CHL1: variants seen among roughly 807,000 people sequenced by gnomAD.
CHL1 encodes the protein neural cell adhesion molecule L1-like protein.
In CHL1, 96 loss-of-function variants were observed where a neutral mutation model predicts 141.9. That is an observed-to-expected ratio of 0.68 (90% CI 0.57 to 0.80). The LOEUF (loss-of-function observed/expected upper bound fraction) is 0.80. Ranked by LOEUF, CHL1 falls within the 30% of genes least tolerant of loss-of-function variation. CHL1 has a pLI of 0.00. For synonymous variants in CHL1, 613 were observed against 502.2 expected, an observed-to-expected ratio of 1.22 and a Z score of -2.95; for missense variants, 1,820 against 1,457.2, an observed-to-expected ratio of 1.25 and a Z score of -4.05.
chr3:224,674 G>C (rs1387177934), intron 1 of CHL1, among the ~76,000 whole-genome samples: 1 of 152,176 alleles, frequency 6.6e-6, no homozygotes, highest in African/African-American at 2.4e-5. Flanking sequence ...GAAGAAGCAT[G>C]AGCCAGTGAA....
intron 15 of CHL1, among the ~76,000 whole-genome samples, chr3:367,477 C>G (rs6763169): frequency 0.055 from 8,366 of 152,140 alleles, 792 homozygotes; most frequent in African/African-American, 0.19. Context: ...AATCCCATAA[C>G]ATAGTTTGAA....
At chr3:278,924 A>T (rs988880284) in intron 2 of CHL1, among the ~76,000 whole-genome samples, 5 of 152,192 alleles carry the variant, frequency 3.3e-5, no homozygotes, top group African/African-American at 1.2e-4. Context: ...TGAGTTTCAG[A>T]TGTGAGTTTG....
In CHL1 at chr3:287,165, T is replaced by C. The variant is rs561743079; in HGVS notation, c.-94-32518T>C. On this transcript the variant is annotated intron_variant, in intron 2 of 27. Coordinates refer to ENST00000256509, the MANE Select transcript of CHL1 (RefSeq NM_006614.4). ...ACGCCTCTGACATTTTCATTTATAC[T>C]TTTCACATATGTATCAACATATAAT... is the stretch of plus-strand genomic sequence containing the variant. Among the ~76,000 whole-genome samples the C allele has an allele frequency of 5.3e-4, 81 of 152,074 alleles. 1 individual carries two copies. The highest frequency in any genetic ancestry group is 1.0e-3 in the Non-Finnish European group (71 of 68,012).
intron 1 of CHL1, among the ~76,000 whole-genome samples, chr3:233,362 C>T (rs910823571): frequency 3.3e-5 from 5 of 152,104 alleles, no homozygotes; most frequent in African/African-American, 1.2e-4. Flanking sequence ...TTTTCTATAC[C>T]AGCCCCCAAC....
At chr3:203,262 G>C (rs1699115403) in intron 1 of CHL1, among the ~76,000 whole-genome samples, 1 of 152,188 alleles carries the variant, frequency 6.6e-6, no homozygotes, top group African/African-American at 2.4e-5. Flanking sequence ...GAATGTTTAA[G>C]ACAAATTTCA....
chr3:360,477 C>A, intron 12 of CHL1, 53 bp downstream of exon 12: 3 of 1,581,846 alleles, frequency 1.9e-6, no homozygotes, highest in South Asian at 1.1e-5. Context: ...GGAAAGTGGT[C>A]AAGGTCATGT....
intron 2 of CHL1, among the ~76,000 whole-genome samples, chr3:270,672 G>A (rs1212919571): frequency 6.6e-6 from 1 of 152,198 alleles, no homozygotes; most frequent in Non-Finnish European, 1.5e-5. Context: ...ACGATATTGT[G>A]GATTAAGAAT....
intron 26 of CHL1, 61 bp from the exon 27 acceptor site, chr3:401,565 T>A: frequency 1.0e-6 from 1 of 957,836 alleles, no homozygotes; most frequent in Non-Finnish European, 1.6e-6. Flanking sequence ...TCCACAGCAC[T>A]GGTAAAATGT....
chr3:400,758 CGCCTCTGCACTCCA>C (rs1318369595), intron 26 of CHL1, among the ~76,000 whole-genome samples: 4 of 151,786 alleles, frequency 2.6e-5, no homozygotes, highest in Admixed American at 2.6e-4. Context: ...GCCGAGATCA[CGCCTCTGCACTCCA>C]GCCTGGGCGA....
rs1010857930 is a variant in CHL1, at chr3:405,972, C to T, written c.*261C>T. Reference sequence around the variant, plus strand: ...AAAACAAATCCTGCATTTAGATACACCTCAACTAAATCCAAAGTCCCCATT... The same window carrying T: ...AAAACAAATCCTGCATTTAGATACATCTCAACTAAATCCAAAGTCCCCATT... On this transcript the variant is annotated 3_prime_UTR_variant, in exon 28 of 28. Transcript: ENST00000256509. 2.9e-5 allele frequency: 11 copies of T among 379,314 alleles called. No individual in the cohort carries two copies. Among genetic ancestry groups the T allele is most frequent in the East Asian group, 1.6e-4 (3 of 18,324 alleles). 23.5% of individuals were successfully genotyped at this position (379,314 alleles called of 1,614,324 possible). A position where few individuals can be genotyped will look rare whatever the true frequency, so the allele number is the denominator to read the frequency against.
intron 2 of CHL1, among the ~76,000 whole-genome samples, chr3:245,282 T>G (rs1693056930): frequency 6.6e-6 from 1 of 152,166 alleles, no homozygotes. Flanking sequence ...AAGTTCACAT[T>G]GGAAGGAGGG....
At chr3:305,534 G>A (rs909977429) in intron 2 of CHL1, among the ~76,000 whole-genome samples, 2 of 151,774 alleles carry the variant, frequency 1.3e-5, no homozygotes, top group Non-Finnish European at 2.9e-5. Context: ...ACTGAATTTC[G>A]AGTGCCTAGT....
intron 2 of CHL1, among the ~76,000 whole-genome samples, chr3:313,468 A>C (rs1318430926): frequency 1.3e-5 from 2 of 152,176 alleles, no homozygotes; most frequent in Non-Finnish European, 2.9e-5. Context: ...TATTTGCAAA[A>C]GGGAAAATCG....
intron 27 of CHL1, among the ~76,000 whole-genome samples, chr3:403,842 C>A (rs144007500): frequency 1.3e-5 from 2 of 152,274 alleles, no homozygotes; most frequent in African/African-American, 2.4e-5. Flanking sequence ...AGATGCTGTG[C>A]CCTTGCATAA....
In CHL1 at chr3:365,672, A is replaced by T. The variant is rs549686099; in HGVS notation, c.1586-278A>T. Among the ~76,000 whole-genome samples the T allele has an allele frequency of 4.6e-5, 7 of 152,342 alleles. No homozygotes were observed. In the South Asian group the frequency reaches 1.2e-3, roughly 27 times the overall value. Reference sequence around the variant, plus strand: ...TATGTTATTTTCAACTTCTAGAGACATTTGTTTGCTTATACTTTGCTTACT... The same window carrying T: ...TATGTTATTTTCAACTTCTAGAGACTTTTGTTTGCTTATACTTTGCTTACT... On this transcript the variant is annotated intron_variant, in intron 14 of 27. Transcript: ENST00000256509.
At chr3:361,406 A>G (rs1704232241) in intron 12 of CHL1, among the ~76,000 whole-genome samples, 1 of 128,966 alleles carries the variant, frequency 7.8e-6, no homozygotes, top group Admixed American at 9.1e-5. Flanking sequence ...CTGCACAGCA[A>G]AGGAAACTAC....
intron 2 of CHL1, among the ~76,000 whole-genome samples, chr3:314,282 C>T (rs1488640616): frequency 7.2e-6 from 1 of 139,856 alleles, no homozygotes; most frequent in Non-Finnish European, 1.5e-5. Context: ...TTAGCATAAC[C>T]TCCCCCCAAT....
chr3:209,181 T>A (rs1299498680), intron 1 of CHL1, among the ~76,000 whole-genome samples: 1 of 152,212 alleles, frequency 6.6e-6, no homozygotes, highest in Non-Finnish European at 1.5e-5. Context: ...TATGGAAAGA[T>A]CTTCCTAATT....
chr3:288,681 C>T (rs963637363), intron 2 of CHL1, among the ~76,000 whole-genome samples: 5 of 152,140 alleles, frequency 3.3e-5, no homozygotes, highest in Admixed American at 2.0e-4. Context: ...ATTTTTCTGA[C>T]GAATGGCATG....
Sources: gnomAD v4.1 joint callset for allele counts (sites outside exome capture counted in the v4.1 genomes callset) on GRCh38, gnomAD v4.1.1 for gene constraint, MANE v1.5 for transcripts, NCBI Gene and HGNC (gene_info 2026-07-23, HGNC 2026-07-21) for gene names.